Variants in LRRC72 observed in about 807,000 individuals in gnomAD.
The protein encoded by LRRC72 is leucine rich repeat containing 72.
A neutral mutation model predicts 35.8 loss-of-function variants in LRRC72; 41 were observed. That is an observed-to-expected ratio of 1.15 (90% CI 0.89 to 1.49). The LOEUF (loss-of-function observed/expected upper bound fraction) is 1.49, where lower values mean the gene tolerates loss of function less well. Ranked by LOEUF, LRRC72 falls within the 40% of genes most tolerant of loss-of-function variation. LRRC72 has a pLI of 0.00. For missense variants in LRRC72, 389 were observed against 330.7 expected (o/e 1.18, Z -1.37); for synonymous variants, 118 against 119.2 (o/e 0.99, Z 0.07).
intron 3 of LRRC72, among the ~76,000 whole-genome samples, chr7:16,544,077 G>T (rs1165300298): frequency 6.6e-6 from 1 of 152,192 alleles, no homozygotes; most frequent in African/African-American, 2.4e-5. Flanking sequence ...ATAAAATTAG[G>T]AAGGGTAAAG....
chr7:16,559,660 G>T (rs1443510938), intron 5 of LRRC72, among the ~76,000 whole-genome samples: 1 of 152,096 alleles, frequency 6.6e-6, no homozygotes, highest in Non-Finnish European at 1.5e-5. Flanking sequence ...ACACCGAGAG[G>T]TAACTGTTTT....
chr7:16,567,343 C>T (rs574562229), intron 6 of LRRC72, 48 bp from the exon 7 acceptor site: 106 of 1,228,648 alleles, frequency 8.6e-5, no homozygotes, highest in South Asian at 2.1e-4. Flanking sequence ...TGAATCACTC[C>T]GCCTATTTAT....
chr7:16,559,022 G>A, intron 5 of LRRC72, 23 bp downstream of exon 5: 2 of 1,360,394 alleles, frequency 1.5e-6, no homozygotes, highest in Non-Finnish European at 2.0e-6. Flanking sequence ...AATTTTATAT[G>A]GCCATAAGTT....
chr7:16,529,328 G>A (rs2128334026), intron 1 of LRRC72, among the ~76,000 whole-genome samples: 1 of 152,198 alleles, frequency 6.6e-6, no homozygotes, highest in African/African-American at 2.4e-5. Context: ...CACCTCTTAA[G>A]GCCCAGCCTG....
At chr7:16,546,642 C>T (rs182331810) in intron 3 of LRRC72, among the ~76,000 whole-genome samples, 5 of 152,250 alleles carry the variant, frequency 3.3e-5, no homozygotes, top group African/African-American at 7.2e-5. Flanking sequence ...AGGTCCTGTA[C>T]ACACTGGGCC....
rs922383961 is a variant in LRRC72 at position 16,559,045 on chromosome 7, A to C, written c.427+46A>C. On this transcript the variant is annotated intron_variant, in intron 5 of 8. Transcript: ENST00000401542. ...ATGGCCATAAGTTAAAATAGTATTA[A>C]CATAAGACATTTTTCCATTTATCAA... The C allele has an allele frequency of 2.7e-6, 3 of 1,107,996 alleles. No homozygotes were observed. The Admixed American group carries it at 6.9e-5, about 26-fold the overall frequency. The allele number at this position is 1,107,996 out of a possible 1,614,324, so 68.6% of individuals were successfully genotyped here.
intron 8 of LRRC72, among the ~76,000 whole-genome samples, chr7:16,580,529 A>C (rs963771625): frequency 6.6e-6 from 1 of 152,154 alleles, no homozygotes; most frequent in Non-Finnish European, 1.5e-5. Context: ...CTATAATCCC[A>C]GCTACTCAGG....
chr7:16,574,755 G>A (rs1158670967), intron 7 of LRRC72, among the ~76,000 whole-genome samples: 1 of 151,930 alleles, frequency 6.6e-6, no homozygotes, highest in East Asian at 1.9e-4. Flanking sequence ...TATGTAACAA[G>A]CCTGCACGTC....
chr7:16,533,631 G>A (rs1309841816), intron 2 of LRRC72, among the ~76,000 whole-genome samples: 1 of 151,768 alleles, frequency 6.6e-6, no homozygotes, highest in East Asian at 1.9e-4. Flanking sequence ...CTAGTGATTT[G>A]GGGAAATCCT....
At chr7:16,548,903 T>C (rs917010570) in intron 3 of LRRC72, among the ~76,000 whole-genome samples, 3 of 152,176 alleles carry the variant, frequency 2.0e-5, no homozygotes, top group Non-Finnish European at 4.4e-5. Flanking sequence ...TCATAATATA[T>C]AGTTTACTCA....
Position 16,581,526 on chromosome 7 carries a change from T to A in LRRC72, c.*37T>A. The A allele has an allele frequency of 6.9e-7, 1 of 1,443,012 alleles. No homozygotes were observed. The highest frequency in any genetic ancestry group is 9.2e-7 in the Non-Finnish European group (1 of 1,091,776). The allele number at this position is 1,443,012 out of a possible 1,614,324, so 89.4% of individuals were successfully genotyped here. A position where few individuals can be genotyped will look rare whatever the true frequency, so the allele number is the denominator to read the frequency against. On this transcript the variant is annotated 3_prime_UTR_variant, in exon 9 of 9. Transcript: ENST00000401542. ...TCTAGATATCTTAGTGGTTTTCAGTTGTATATTAAACTTCCCTGTGACTTA... is the reference window on the plus strand; with the variant it reads ...TCTAGATATCTTAGTGGTTTTCAGTAGTATATTAAACTTCCCTGTGACTTA...
intron 3 of LRRC72, among the ~76,000 whole-genome samples, chr7:16,549,924 A>G (rs1189850472): frequency 6.6e-6 from 1 of 152,202 alleles, no homozygotes; most frequent in East Asian, 1.9e-4. Context: ...ATAGTTATTA[A>G]ATTAACAGAT....
intron 3 of LRRC72, among the ~76,000 whole-genome samples, chr7:16,554,671 C>T (rs2128336892): frequency 6.6e-6 from 1 of 152,268 alleles, no homozygotes; most frequent in Non-Finnish European, 1.5e-5. Flanking sequence ...CCCCAAGGTC[C>T]TCATGATTTG....
intron 2 of LRRC72, 120 bp downstream of exon 2, chr7:16,532,688 A>G (rs768133656): frequency 1.2e-4 from 91 of 787,876 alleles, no homozygotes; most frequent in South Asian, 5.7e-4. Flanking sequence ...TAGGACTCCA[A>G]TTATTTTACC....
chr7:16,530,577 T>A (rs575861480), intron 1 of LRRC72: 1 of 152,322 alleles, frequency 6.6e-6, no homozygotes, highest in African/African-American at 2.4e-5. Context: ...CTTCTCTATA[T>A]TTTGAAACTA....
chr7:16,552,362 G>C (rs1348915339), intron 3 of LRRC72, among the ~76,000 whole-genome samples: 7 of 150,954 alleles, frequency 4.6e-5, no homozygotes, highest in Non-Finnish European at 1.0e-4. Flanking sequence ...TTTACCTCTG[G>C]AACACGCAGA....
intron 2 of LRRC72, among the ~76,000 whole-genome samples, chr7:16,536,150 G>A (rs373677608): frequency 6.6e-6 from 1 of 152,088 alleles, no homozygotes; most frequent in African/African-American, 2.4e-5. Context: ...TGGGATTACA[G>A]GCATGAGCCA....
chr7:16,575,577 G>C (rs1423582995), intron 7 of LRRC72, among the ~76,000 whole-genome samples: 5 of 152,150 alleles, frequency 3.3e-5, no homozygotes, highest in Non-Finnish European at 4.4e-5. Context: ...TTTAAAATGA[G>C]TATAATATCT....
intron 7 of LRRC72, among the ~76,000 whole-genome samples, chr7:16,578,328 C>G (rs996605686): frequency 9.2e-5 from 14 of 152,030 alleles, no homozygotes; most frequent in Non-Finnish European, 1.5e-5. Context: ...CAAAAATTAG[C>G]CAGGCGTGGT....
Sources: allele counts gnomAD v4.1 joint callset (sites outside exome capture counted in the v4.1 genomes callset), GRCh38; gene constraint gnomAD v4.1.1; transcripts MANE v1.5; gene names NCBI Gene and HGNC (gene_info 2026-07-23, HGNC 2026-07-21).